Variants in WSB1 observed in about 807,000 individuals in gnomAD.
WSB1 encodes WD repeat and SOCS box-containing protein 1.
In WSB1, 23 loss-of-function variants were observed where a neutral mutation model predicts 50.2. The observed-to-expected ratio is 0.46, with a 90% CI of 0.33 to 0.65. WSB1 has a LOEUF of 0.65. WSB1 is among the 30% of genes least tolerant of loss of function. The pLI, the probability that WSB1 is intolerant of heterozygous loss-of-function variation, is 0.02. For synonymous variants in WSB1, 179 were observed against 172.0 expected (o/e 1.04, Z -0.32); for missense variants, 492 against 522.3 (o/e 0.94, Z 0.56).
rs746081529 is a variant in WSB1 at position 27,311,487 on chromosome 17, AAAT to A, written c.999-18_999-16del. On this transcript the variant is annotated intron_variant, in intron 7 of 8. Transcript: ENST00000262394. ...TACCTTACATTTTCTACAAGATACT[AAAT>A]AATTTATTTCATTTTCAGAATGGTG... The A allele has an allele frequency of 1.9e-6, 3 of 1,567,958 alleles. No individual in the cohort carries two copies. Among genetic ancestry groups the A allele is most frequent in the Non-Finnish European group, 2.6e-6 (3 of 1,161,034 alleles).
chr17:27,310,039 G>A, intron 6 of WSB1, 22 bp from the exon 7 acceptor site: 1 of 1,606,444 alleles, frequency 6.2e-7, no homozygotes, highest in Non-Finnish European at 8.5e-7. Context: ...GATATCCACT[G>A]AAAACATATA....
At chr17:27,307,334 AG>A in intron 5 of WSB1, 2 of 221,366 alleles carry the variant, frequency 9.0e-6, no homozygotes, top group Non-Finnish European at 1.8e-5. Context: ...TATGTCCTAC[AG>A]TTATAGGTGA....
chr17:27,294,347 C>T lies in WSB1; in HGVS notation c.-49C>T. The T allele has an allele frequency of 6.2e-7, 1 of 1,608,648 alleles. No individual in the cohort carries two copies. The highest frequency in any genetic ancestry group is 8.5e-7 in the Non-Finnish European group (1 of 1,176,358). ...CCCTCAGCGGTCGCCACTCTCTTCT[C>T]TGTTGTTGGGTCCGCATCGTATTCC... is the stretch of plus-strand genomic sequence containing the variant. On this transcript the variant is annotated 5_prime_UTR_variant, in exon 1 of 9. Coordinates refer to ENST00000262394, the MANE Select transcript of WSB1 (RefSeq NM_015626.10).
intron 6 of WSB1, among the ~76,000 whole-genome samples, chr17:27,309,794 G>A (rs2017599085): frequency 6.6e-6 from 1 of 152,034 alleles, no homozygotes; most frequent in African/African-American, 2.4e-5. Flanking sequence ...TGTTGGTCAG[G>A]CTGGTCTCAA....
rs2017247171 is a variant in WSB1, at chr17:27,301,903, A to G, written c.156A>G (p.Ser52=). ...FAPDGSYFAW[S]QGHRTVKLVP... ...CAGATGGTTCATACTTTGCTTGGTCACAAGGACATCGCACAGTAAAGCTTG... is the reference window on the plus strand; with the variant it reads ...CAGATGGTTCATACTTTGCTTGGTCGCAAGGACATCGCACAGTAAAGCTTG... The change falls in exon 2 of 9, where the codon TCA becomes TCG. Residue 52 remains serine, a synonymous_variant. Coordinates refer to ENST00000262394, the MANE Select transcript of WSB1 (RefSeq NM_015626.10). 6.2e-7 allele frequency: 1 copy of G among 1,613,060 alleles called. No individual in the cohort carries two copies.
At chr17:27,294,949 G>T (rs2150823867) in intron 1 of WSB1, among the ~76,000 whole-genome samples, 1 of 152,328 alleles carries the variant, frequency 6.6e-6, no homozygotes, top group East Asian at 1.9e-4. Flanking sequence ...GAAACGCAGC[G>T]GTTCGGGGGA....
At chr17:27,300,870 A>G (rs1186136132) in intron 1 of WSB1, among the ~76,000 whole-genome samples, 3 of 144,010 alleles carry the variant, frequency 2.1e-5, no homozygotes, top group African/African-American at 7.6e-5. Context: ...GCTATAATGC[A>G]TTTTCTTTTA....
Position 27,294,327 on chromosome 17 carries a change from A to C in WSB1, c.-69A>C. 1 of 1,589,064 alleles carries C rather than the reference A, an allele frequency of 6.3e-7. No homozygotes were observed. The highest frequency in any genetic ancestry group is 1.1e-5 in the South Asian group (1 of 89,342). On this transcript the variant is annotated 5_prime_UTR_variant, in exon 1 of 9. Coordinates refer to ENST00000262394, the MANE Select transcript of WSB1 (RefSeq NM_015626.10). ...GGACCAACTTGGCGTCACGCCCCTC[A>C]GCGGTCGCCACTCTCTTCTCTGTTG... is the stretch of plus-strand genomic sequence containing the variant.
chr17:27,303,196 T>C (rs2017306047), intron 2 of WSB1, 171 bp from the exon 3 acceptor site: 5 of 673,042 alleles, frequency 7.4e-6, no homozygotes, highest in Non-Finnish European at 9.4e-6. Context: ...AATGTCCTTC[T>C]CTCGTAGTTC....
chr17:27,294,687 C>A lies in WSB1; in HGVS notation c.40+252C>A, dbSNP rs2016874683. Among the ~76,000 whole-genome samples the A allele has an allele frequency of 2.0e-5, 3 of 152,190 alleles. 1 individual carries two copies. In the South Asian group the frequency reaches 6.2e-4, roughly 32 times the overall value. On this transcript the variant is annotated intron_variant, in intron 1 of 8. Transcript: ENST00000262394. ...CTGGGGCGGGCAAGGACCCCGGTTT[C>A]TTCGTCGGAGGTCCGCGCAGGGCTC... is the stretch of plus-strand genomic sequence containing the variant.
At chr17:27,309,589 ATT>A (rs397857862) in intron 6 of WSB1, among the ~76,000 whole-genome samples, 3 of 146,982 alleles carry the variant, frequency 2.0e-5, no homozygotes, top group Admixed American at 1.4e-4. Context: ...ATCATAAAAG[ATT>A]TTTTTTTTTT....
intron 7 of WSB1, 40 bp from the exon 8 acceptor site, chr17:27,311,469 C>A: frequency 1.3e-6 from 2 of 1,536,078 alleles, no homozygotes; most frequent in Non-Finnish European, 1.8e-6. Context: ...TTTTACCTTA[C>A]ATTTTCTACA....
At chr17:27,294,541 G>C in intron 1 of WSB1, 106 bp downstream of exon 1, 1 of 1,500,808 alleles carries the variant, frequency 6.7e-7, no homozygotes, top group Non-Finnish European at 9.1e-7. Context: ...AAGAGCTCCA[G>C]TGCGCCAGGG....
At position 27,315,187 on chromosome 17, in the gene WSB1, T is replaced by TG. The variant is rs2017807416; in HGVS notation, c.*2820dup. ...ATAGGGAAGACGTTGATTATGGACTTGGATCAGATTCTAGCTACATGATTT... is the reference window on the plus strand; with the variant it reads ...ATAGGGAAGACGTTGATTATGGACTTGGGATCAGATTCTAGCTACATGATTT... On this transcript the variant is annotated 3_prime_UTR_variant, in exon 9 of 9. Transcript: ENST00000262394. The TG allele has an allele frequency of 6.6e-6, 1 of 152,212 alleles. No homozygotes were observed. The highest frequency in any genetic ancestry group is 1.5e-5 in the Non-Finnish European group (1 of 68,034). The allele number at this position is 152,212 out of a possible 1,614,324, so 9.4% of individuals were successfully genotyped here. A position where few individuals can be genotyped will look rare whatever the true frequency, so the allele number is the denominator to read the frequency against.
chr17:27,301,561 G>A (rs1381562361), intron 1 of WSB1, among the ~76,000 whole-genome samples: 1 of 152,042 alleles, frequency 6.6e-6, no homozygotes. Flanking sequence ...AAAAACTCTT[G>A]CATTGGGAAA....
At chr17:27,304,701 G>A in intron 3 of WSB1, 79 bp from the exon 4 acceptor site, 1 of 1,423,606 alleles carries the variant, frequency 7.0e-7, no homozygotes, top group Non-Finnish European at 9.6e-7. Flanking sequence ...GACAGAGTGA[G>A]ACCCTGTCTC....
Position 27,315,117 on chromosome 17 carries a change from G to A in WSB1, c.*2748G>A, listed in dbSNP as rs1233150964. ...TTTGAATTTTCCATTTGTCTGTGGG[G>A]AAGAAGGTAATAACAGTAATAACAG... is the stretch of plus-strand genomic sequence containing the variant. On this transcript the variant is annotated 3_prime_UTR_variant, in exon 9 of 9. Transcript: ENST00000262394. 6.6e-6 allele frequency: 1 copy of A among 152,174 alleles called. No individual in the cohort carries two copies. The highest frequency in any genetic ancestry group is 2.4e-5 in the African/African-American group (1 of 41,430). The allele number at this position is 152,174 out of a possible 1,614,324, so 9.4% of individuals were successfully genotyped here. A position where few individuals can be genotyped will look rare whatever the true frequency, so the allele number is the denominator to read the frequency against.
chr17:27,298,189 A>G (rs2017069067), intron 1 of WSB1, among the ~76,000 whole-genome samples: 1 of 151,440 alleles, frequency 6.6e-6, no homozygotes, highest in Non-Finnish European at 1.5e-5. Context: ...ATGCTTGCTA[A>G]GGGAGAGCTT....
At chr17:27,308,894 C>T in intron 5 of WSB1, 5 of 1,189,614 alleles carry the variant, frequency 4.2e-6, no homozygotes, top group Non-Finnish European at 5.2e-6. Flanking sequence ...TTAACAGAAA[C>T]ATTTGAAATA....
Sources: gnomAD v4.1 joint callset for allele counts (sites outside exome capture counted in the v4.1 genomes callset) on GRCh38, gnomAD v4.1.1 for gene constraint, MANE v1.5 for transcripts, NCBI Gene and HGNC (gene_info 2026-07-23, HGNC 2026-07-21) for gene names.